Variants in TBCK observed in about 807,000 individuals in gnomAD.
TBCK encodes TBC1 domain containing kinase.
In TBCK, 99 loss-of-function variants were observed where a neutral mutation model predicts 113.4. The observed-to-expected ratio is 0.87, with a 90% confidence interval of 0.74 to 1.03. TBCK has a LOEUF of 1.03. Ranked by LOEUF, TBCK falls within the 50% of genes least tolerant of loss-of-function variation. TBCK has a pLI of 0.00. For synonymous variants in TBCK, 369 were observed against 370.8 expected, an observed-to-expected ratio of 1.00 and a Z score of 0.05; for missense variants, 1,045 against 1,061.3, an observed-to-expected ratio of 0.98 and a Z score of 0.21.
intron 22 of TBCK, among the ~76,000 whole-genome samples, chr4:106,191,281 G>A (rs551498772): frequency 5.9e-5 from 9 of 152,242 alleles, no homozygotes; most frequent in African/African-American, 1.9e-4. Context: ...GGGGAGTCCT[G>A]AAACCAATCC....
Position 106,048,936 on chromosome 4 carries a change from G to C in TBCK, c.2572-2256C>G, listed in dbSNP as rs1734503875. Reference sequence around the variant, plus strand: ...TGCTGTGTGGGAGGTCTAAGAAGAAGAGTAGAAATGGAGTGCAAGGAGATA... The same window carrying C: ...TGCTGTGTGGGAGGTCTAAGAAGAACAGTAGAAATGGAGTGCAAGGAGATA... On this transcript the variant is annotated intron_variant, in intron 25 of 25. Transcript: ENST00000394708. 2.6e-5 allele frequency among the ~76,000 whole-genome samples: 4 copies of C among 152,126 alleles called. No homozygotes were observed. In the South Asian group the frequency reaches 8.3e-4, roughly 31 times the overall value.
chr4:106,183,632 C>T (rs1752663552), intron 22 of TBCK, among the ~76,000 whole-genome samples: 1 of 152,082 alleles, frequency 6.6e-6, no homozygotes, highest in South Asian at 2.1e-4. Context: ...ACATAGGTCT[C>T]ATAGAAAGTG....
At chr4:106,200,712 C>T (rs1457900939) in intron 20 of TBCK, among the ~76,000 whole-genome samples, 1 of 151,930 alleles carries the variant, frequency 6.6e-6, no homozygotes, top group Non-Finnish European at 1.5e-5. Context: ...TTGTCTATCT[C>T]TTATTTTATT....
chr4:106,199,635 A>G lies in TBCK; in HGVS notation c.1861-4881T>C, dbSNP rs186821139. On this transcript the variant is annotated intron_variant, in intron 20 of 25. Coordinates refer to ENST00000394708, the MANE Select transcript of TBCK (RefSeq NM_001163435.3). The stretch of plus-strand genomic sequence containing the variant: ...ACTTCCTTCAAAATCTATACCTCCA[A>G]GTAGTTTCCAAATCTCAGTTAGAAG... 1.5e-3 allele frequency among the ~76,000 whole-genome samples: 231 copies of G among 152,178 alleles called. 1 individual carries two copies. Among genetic ancestry groups the G allele is most frequent in the African/African-American group, 5.4e-3 (225 of 41,528 alleles).
rs188497923 is a variant in TBCK at position 106,241,823 on chromosome 4, T to C, written c.1170+647A>G. On this transcript the variant is annotated intron_variant, in intron 12 of 25. Coordinates refer to ENST00000394708, the MANE Select transcript of TBCK (RefSeq NM_001163435.3). ...TTATAAAACATACTTATAACCTTGC[T>C]ATTACTTTAAATAAGTTACAAGAAA... 3.6e-3 allele frequency among the ~76,000 whole-genome samples: 546 copies of C among 152,076 alleles called. 6 individuals are homozygous for C. The highest frequency in any genetic ancestry group is 3.8e-3 in the Non-Finnish European group (259 of 67,918).
chr4:106,228,249 A>G (rs1758454455), intron 19 of TBCK, among the ~76,000 whole-genome samples: 1 of 151,818 alleles, frequency 6.6e-6, no homozygotes, highest in Admixed American at 6.6e-5. Flanking sequence ...CCAATTATAT[A>G]CTTACTTATT....
chr4:106,242,397 A>G, intron 12 of TBCK, 73 bp downstream of exon 12: 2 of 1,135,528 alleles, frequency 1.8e-6, no homozygotes, highest in South Asian at 3.2e-5. Flanking sequence ...GGCATACAAG[A>G]TTTCTTGTGT....
intron 25 of TBCK, among the ~76,000 whole-genome samples, chr4:106,090,045 C>T (rs1740028942): frequency 6.6e-6 from 1 of 152,196 alleles, no homozygotes. Context: ...CTACGTTTCC[C>T]ATTGGCACTG....
At chr4:106,145,004 G>A (rs139449857) in intron 23 of TBCK, among the ~76,000 whole-genome samples, 7 of 137,910 alleles carry the variant, frequency 5.1e-5, no homozygotes, top group Non-Finnish European at 1.1e-4. Flanking sequence ...TGGGCAACAA[G>A]AGTGAAACTC....
intron 19 of TBCK, among the ~76,000 whole-genome samples, chr4:106,217,062 T>C (rs1757032407): frequency 6.6e-6 from 1 of 151,804 alleles, no homozygotes; most frequent in African/African-American, 2.4e-5. Context: ...GCTGGTTCAA[T>C]ATACACAAAT....
intron 23 of TBCK, among the ~76,000 whole-genome samples, chr4:106,126,734 A>G (rs986321765): frequency 6.6e-6 from 1 of 152,244 alleles, no homozygotes; most frequent in East Asian, 1.9e-4. Flanking sequence ...CAAACTCTTC[A>G]GGGATGGCAA....
intron 3 of TBCK, among the ~76,000 whole-genome samples, chr4:106,292,085 A>G (rs938872241): frequency 6.6e-6 from 1 of 152,174 alleles, no homozygotes; most frequent in African/African-American, 2.4e-5. Flanking sequence ...GTCACTTTAC[A>G]TCGGTATATG....
intron 2 of TBCK, among the ~76,000 whole-genome samples, chr4:106,296,014 A>C (rs1304510986): frequency 6.6e-6 from 1 of 152,194 alleles, no homozygotes; most frequent in Non-Finnish European, 1.5e-5. Context: ...TCAACTGAAC[A>C]ACAGTTGAGA....
chr4:106,285,313 A>G lies in TBCK; in HGVS notation c.266+9781T>C, dbSNP rs193090589. 4.9e-4 allele frequency among the ~76,000 whole-genome samples: 75 copies of G among 152,232 alleles called. No homozygotes were observed. The East Asian group carries it at 0.012, about 24-fold the overall frequency. Reference sequence around the variant, plus strand: ...TCTCCTTTTATAATATAAATTCTCAAAAGGGTTTTACGGCCGTTAATACTA... The same window carrying G: ...TCTCCTTTTATAATATAAATTCTCAGAAGGGTTTTACGGCCGTTAATACTA... On this transcript the variant is annotated intron_variant, in intron 3 of 25. Coordinates refer to ENST00000394708, the MANE Select transcript of TBCK (RefSeq NM_001163435.3).
intron 23 of TBCK, among the ~76,000 whole-genome samples, chr4:106,159,518 G>A (rs1049451022): frequency 4.6e-5 from 7 of 151,958 alleles, no homozygotes; most frequent in Non-Finnish European, 8.8e-5. Context: ...AATTAATGAA[G>A]ACAATTTGAT....
intron 3 of TBCK, among the ~76,000 whole-genome samples, chr4:106,274,165 C>T (rs1763781730): frequency 6.6e-6 from 1 of 152,108 alleles, no homozygotes; most frequent in Non-Finnish European, 1.5e-5. Context: ...CTACTTCATA[C>T]CCACTAGGAT....
intron 23 of TBCK, among the ~76,000 whole-genome samples, chr4:106,155,402 A>G (rs72968427): frequency 0.045 from 6,858 of 152,000 alleles, 515 homozygotes; most frequent in African/African-American, 0.15. Context: ...CTTTCTCTAC[A>G]TTTGGGAAGT....
At chr4:106,161,601 T>G (rs944787970) in intron 23 of TBCK, among the ~76,000 whole-genome samples, 1 of 152,142 alleles carries the variant, frequency 6.6e-6, no homozygotes, top group South Asian at 2.1e-4. Flanking sequence ...GCTCAGCTAT[T>G]TGCATTTGAG....
chr4:106,165,666 T>A (rs1417633774), intron 23 of TBCK, among the ~76,000 whole-genome samples: 1 of 151,730 alleles, frequency 6.6e-6, no homozygotes, highest in Non-Finnish European at 1.5e-5. Context: ...TAATAATGAT[T>A]TTTTACTCTT....
Sources: allele counts gnomAD v4.1 joint callset (sites outside exome capture counted in the v4.1 genomes callset), GRCh38; gene constraint gnomAD v4.1.1; transcripts MANE v1.5; gene names NCBI Gene and HGNC (gene_info 2026-07-23, HGNC 2026-07-21).